KLHL1: variants seen among roughly 807,000 people sequenced by gnomAD.
KLHL1 encodes kelch like family member 1.
Under a neutral mutation model 77.7 loss-of-function variants are expected in KLHL1, and 47 were observed. That is an observed-to-expected ratio of 0.60 (90% CI 0.48 to 0.77). The LOEUF (loss-of-function observed/expected upper bound fraction) is 0.77, where lower values mean the gene tolerates loss of function less well. Ranked by LOEUF, KLHL1 falls within the 30% of genes least tolerant of loss-of-function variation. KLHL1 has a pLI of 0.00. For synonymous variants in KLHL1, 360 were observed against 325.2 expected (o/e 1.11, Z -1.15); for missense variants, 925 against 910.8 (o/e 1.02, Z -0.20).
Position 70,066,739 on chromosome 13 carries a change from T to A in KLHL1, c.497+40464A>T, listed in dbSNP as rs1196989209. On this transcript the variant is annotated intron_variant, in intron 1 of 10. Transcript: ENST00000377844. Reference sequence around the variant, plus strand: ...ATGTCAAAGCTGGAATTATAACGGGTAATTTGCCTAGCACATCACAGCCTA... The same window carrying A: ...ATGTCAAAGCTGGAATTATAACGGGAAATTTGCCTAGCACATCACAGCCTA... Among the ~76,000 whole-genome samples the A allele has an allele frequency of 7.9e-5, 12 of 152,188 alleles. No individual in the cohort carries two copies. In the East Asian group the frequency reaches 2.1e-3, roughly 27 times the overall value.
At chr13:69,937,339 C>T (rs1414652787) in intron 4 of KLHL1, among the ~76,000 whole-genome samples, 1 of 152,108 alleles carries the variant, frequency 6.6e-6, no homozygotes, top group African/African-American at 2.4e-5. Flanking sequence ...AACACAAGTC[C>T]ATTCTATCAA....
intron 1 of KLHL1, among the ~76,000 whole-genome samples, chr13:70,057,732 C>T (rs1389300539): frequency 4.4e-5 from 6 of 135,118 alleles, no homozygotes; most frequent in African/African-American, 1.6e-4. Context: ...GCCGAGATTG[C>T]GCCACTGCAG....
chr13:70,007,100 A>G (rs1767354740), intron 1 of KLHL1, among the ~76,000 whole-genome samples: 1 of 152,024 alleles, frequency 6.6e-6, no homozygotes, highest in Non-Finnish European at 1.5e-5. Flanking sequence ...ATAGGTTTCA[A>G]GGGAAATGCT....
intron 1 of KLHL1, among the ~76,000 whole-genome samples, chr13:70,096,401 T>C: frequency 6.6e-6 from 1 of 152,072 alleles, no homozygotes; most frequent in Non-Finnish European, 1.5e-5. Context: ...TGGGGTGAGA[T>C]TATATCTCAT....
At position 69,961,410 on chromosome 13, in the gene KLHL1, C is replaced by T; in HGVS notation, c.715G>A (p.Ala239Thr). 6.2e-7 allele frequency: 1 copy of T among 1,612,956 alleles called. No individual in the cohort carries two copies. Among genetic ancestry groups the T allele is most frequent in the Non-Finnish European group, 8.5e-7 (1 of 1,179,362 alleles). Residue 239 changes from alanine (A) to threonine (T), a missense_variant, in exon 3 of 11, where the codon GCC becomes ACC. Ala to Thr is a moderately conservative substitution (Grantham distance 58). Coordinates refer to ENST00000377844, the MANE Select transcript of KLHL1 (RefSeq NM_020866.3). ...TCACAAACATCACTTGTAAACATGG[C>T]CGCAAAATAGTCGGAGACTGAACTC... ...VLSSVSDYFA[A>T]MFTSDVCEAK...
chr13:69,812,656 A>G (rs1877934653), intron 6 of KLHL1, among the ~76,000 whole-genome samples: 1 of 152,032 alleles, frequency 6.6e-6, no homozygotes, highest in African/African-American at 2.4e-5. Context: ...AAAAGTGGGC[A>G]AATGATATGA....
At chr13:69,732,004 A>G (rs1279203207) in intron 8 of KLHL1, among the ~76,000 whole-genome samples, 1 of 152,182 alleles carries the variant, frequency 6.6e-6, no homozygotes, top group Non-Finnish European at 1.5e-5. Flanking sequence ...AAGATGATAA[A>G]GACTTGACAG....
rs954154143 is a variant in KLHL1, at chr13:69,843,313, T to C, written c.1228-4151A>G. On this transcript the variant is annotated intron_variant, in intron 5 of 10. Transcript: ENST00000377844. ...AAATTAGAAATGTACTCCTTTTTCATGTTTCTTCTTGCAAAATTGTAACAG... is the reference window on the plus strand; with the variant it reads ...AAATTAGAAATGTACTCCTTTTTCACGTTTCTTCTTGCAAAATTGTAACAG... 4.0e-5 allele frequency among the ~76,000 whole-genome samples: 6 copies of C among 151,694 alleles called. No individual in the cohort carries two copies. The Admixed American group carries it at 4.0e-4, about 10-fold the overall frequency.
chr13:69,741,481 G>T (rs1231037493), intron 7 of KLHL1, among the ~76,000 whole-genome samples: 1 of 152,036 alleles, frequency 6.6e-6, no homozygotes, highest in African/African-American at 2.4e-5. Flanking sequence ...ATGACTCCTA[G>T]ATCAAAGAAG....
chr13:69,999,085 T>C (rs1426235807), intron 1 of KLHL1, among the ~76,000 whole-genome samples: 1 of 152,082 alleles, frequency 6.6e-6, no homozygotes, highest in Non-Finnish European at 1.5e-5. Flanking sequence ...GTGAATCTAA[T>C]AACAGGATAT....
At chr13:69,921,613 T>C (rs1211793925) in intron 4 of KLHL1, among the ~76,000 whole-genome samples, 1 of 152,168 alleles carries the variant, frequency 6.6e-6, no homozygotes, top group Non-Finnish European at 1.5e-5. Flanking sequence ...TTTCCACCTA[T>C]TCTATATATT....
intron 7 of KLHL1, among the ~76,000 whole-genome samples, chr13:69,751,734 A>G (rs1270056837): frequency 1.3e-5 from 2 of 152,118 alleles, no homozygotes; most frequent in African/African-American, 2.4e-5. Context: ...TTAAACAGAG[A>G]CATGATGTAT....
At chr13:70,077,535 G>A (rs556367768) in intron 1 of KLHL1, among the ~76,000 whole-genome samples, 1 of 152,088 alleles carries the variant, frequency 6.6e-6, no homozygotes, top group Non-Finnish European at 1.5e-5. Flanking sequence ...ATGAAATTAT[G>A]CATTTGTGAA....
intron 1 of KLHL1, among the ~76,000 whole-genome samples, chr13:70,077,461 A>G (rs770891598): frequency 9.9e-5 from 15 of 152,010 alleles, no homozygotes; most frequent in African/African-American, 3.4e-4. Context: ...GGTGGGAATA[A>G]TGAATATGTG....
At chr13:69,876,790 C>T (rs1401545437) in intron 5 of KLHL1, among the ~76,000 whole-genome samples, 4 of 152,140 alleles carry the variant, frequency 2.6e-5, no homozygotes, top group Non-Finnish European at 4.4e-5. Context: ...GTAATCCCAA[C>T]ACTTTGGGAG....
intron 1 of KLHL1, among the ~76,000 whole-genome samples, chr13:70,067,048 G>C (rs2137412628): frequency 6.6e-6 from 1 of 152,228 alleles, no homozygotes; most frequent in South Asian, 2.1e-4. Context: ...ATAACATTAA[G>C]AGAACGAAGT....
At chr13:70,099,791 CT>C (rs1283691660) in intron 1 of KLHL1, among the ~76,000 whole-genome samples, 1 of 151,898 alleles carries the variant, frequency 6.6e-6, no homozygotes, top group East Asian at 1.9e-4. Flanking sequence ...TAATGAACAG[CT>C]TTCGTTAAAC....
chr13:69,973,475 A>G (rs1017130608), intron 2 of KLHL1, among the ~76,000 whole-genome samples: 1 of 151,648 alleles, frequency 6.6e-6, no homozygotes, highest in Non-Finnish European at 1.5e-5. Context: ...ATATTATTTG[A>G]TATTATTATA....
chr13:69,986,164 A>T (rs1444532741), intron 1 of KLHL1, among the ~76,000 whole-genome samples: 3 of 151,926 alleles, frequency 2.0e-5, no homozygotes, highest in Admixed American at 2.0e-4. Context: ...AATAGTGGTT[A>T]CCAGAGGCTG....
Sources: gnomAD v4.1 joint callset for allele counts (sites outside exome capture counted in the v4.1 genomes callset) on GRCh38, gnomAD v4.1.1 for gene constraint, MANE v1.5 for transcripts, NCBI Gene and HGNC (gene_info 2026-07-23, HGNC 2026-07-21) for gene names.